Variants in ITGBL1 observed in about 807,000 individuals in gnomAD.
The protein encoded by ITGBL1 is integrin subunit beta like 1.
ITGBL1 carries 51 observed loss-of-function variants against 68.5 expected under a neutral mutation model. The observed-to-expected ratio is 0.74, with a 90% CI of 0.59 to 0.94. The LOEUF (loss-of-function observed/expected upper bound fraction) is 0.94. ITGBL1 is among the 40% of genes least tolerant of loss of function. ITGBL1 has a pLI of 0.00. For synonymous variants in ITGBL1, 209 were observed against 227.3 expected (o/e 0.92, Z 0.72); for missense variants, 649 against 647.4 (o/e 1.00, Z -0.03).
intron 2 of ITGBL1, among the ~76,000 whole-genome samples, chr13:101,481,775 A>T (rs1278173619): frequency 1.3e-5 from 2 of 152,030 alleles, no homozygotes; most frequent in Non-Finnish European, 2.9e-5. Context: ...AGTTGTATAT[A>T]TTTTTATTTT....
intron 7 of ITGBL1, among the ~76,000 whole-genome samples, chr13:101,604,142 CAG>C (rs1366685883): frequency 6.6e-6 from 1 of 151,750 alleles, no homozygotes; most frequent in African/African-American, 2.4e-5. Flanking sequence ...AGCTCTCAAA[CAG>C]AGAAAATCAC....
intron 7 of ITGBL1, among the ~76,000 whole-genome samples, chr13:101,683,089 T>G (rs1453371934): frequency 2.6e-5 from 4 of 152,086 alleles, no homozygotes; most frequent in Non-Finnish European, 5.9e-5. Context: ...TAACATAAAT[T>G]TATAGCATTA....
intron 6 of ITGBL1, among the ~76,000 whole-genome samples, chr13:101,597,392 T>G (rs1484769030): frequency 1.4e-5 from 2 of 143,350 alleles, no homozygotes; most frequent in Non-Finnish European, 3.0e-5. Context: ...AAAGGAGCGT[T>G]TATATATTAA....
chr13:101,599,997 G>A (rs1221636345), intron 7 of ITGBL1, among the ~76,000 whole-genome samples: 9 of 152,250 alleles, frequency 5.9e-5, no homozygotes, highest in East Asian at 1.9e-4. Flanking sequence ...GATTGATGGC[G>A]ATGGCATTGA....
At chr13:101,684,537 T>A (rs915769658) in intron 7 of ITGBL1, among the ~76,000 whole-genome samples, 1 of 152,000 alleles carries the variant, frequency 6.6e-6, no homozygotes, top group Non-Finnish European at 1.5e-5. Context: ...TATACATATG[T>A]GATTTATTTT....
At chr13:101,678,319 G>A (rs1258087443) in intron 7 of ITGBL1, among the ~76,000 whole-genome samples, 1 of 152,056 alleles carries the variant, frequency 6.6e-6, no homozygotes, top group Non-Finnish European at 1.5e-5. Flanking sequence ...GTTGTTTTAT[G>A]GTGAATTTTT....
chr13:101,600,748 T>C (rs2030318824), intron 7 of ITGBL1, among the ~76,000 whole-genome samples: 1 of 152,232 alleles, frequency 6.6e-6, no homozygotes, highest in Non-Finnish European at 1.5e-5. Flanking sequence ...AGTTATTGAT[T>C]TGCATATGTT....
chr13:101,549,908 C>G (rs982517360), intron 2 of ITGBL1, among the ~76,000 whole-genome samples: 8 of 152,008 alleles, frequency 5.3e-5, no homozygotes, highest in Non-Finnish European at 2.9e-5. Context: ...GTAAATTCAA[C>G]ATATAATAAT....
intron 6 of ITGBL1, among the ~76,000 whole-genome samples, chr13:101,591,847 G>C (rs1171797694): frequency 1.3e-5 from 2 of 152,150 alleles, no homozygotes; most frequent in East Asian, 3.9e-4. Flanking sequence ...CTGCGGTGAT[G>C]AGTAGCTTCA....
intron 2 of ITGBL1, among the ~76,000 whole-genome samples, chr13:101,464,765 CATACAT>C (rs2048361399): frequency 6.6e-6 from 1 of 152,132 alleles, no homozygotes; most frequent in South Asian, 2.1e-4. Context: ...TGTGCACAAA[CATACAT>C]ATATATGTGT....
At chr13:101,523,856 G>A (rs1269489410) in intron 2 of ITGBL1, among the ~76,000 whole-genome samples, 2 of 152,206 alleles carry the variant, frequency 1.3e-5, no homozygotes, top group Non-Finnish European at 2.9e-5. Flanking sequence ...CCAGCTGGTA[G>A]AAAGGACGGA....
chr13:101,657,719 C>T (rs2032971164), intron 7 of ITGBL1, among the ~76,000 whole-genome samples: 1 of 152,204 alleles, frequency 6.6e-6, no homozygotes, highest in Non-Finnish European at 1.5e-5. Context: ...ATTTGATTTA[C>T]ATGTTGAACA....
chr13:101,580,498 G>C (rs1351230563), intron 5 of ITGBL1, among the ~76,000 whole-genome samples: 1 of 151,966 alleles, frequency 6.6e-6, no homozygotes, highest in Non-Finnish European at 1.5e-5. Context: ...GTGCATGTTT[G>C]TTACATATGT....
At chr13:101,460,042 C>T (rs1056300562) in intron 2 of ITGBL1, among the ~76,000 whole-genome samples, 4 of 152,046 alleles carry the variant, frequency 2.6e-5, no homozygotes, top group African/African-American at 9.7e-5. Flanking sequence ...GTTGAACGAT[C>T]TCCCTCCAAG....
In ITGBL1 at chr13:101,599,550, T is replaced by C. The variant is rs886749838; in HGVS notation, c.1015+1251T>C. On this transcript the variant is annotated intron_variant, in intron 7 of 10. Transcript: ENST00000376180. ...GAATGGTATTGCCTAGGTTTTCTTCTAGGGTTTTTATGGTTTTAGGTCTGA... is the reference window on the plus strand; with the variant it reads ...GAATGGTATTGCCTAGGTTTTCTTCCAGGGTTTTTATGGTTTTAGGTCTGA... Among the ~76,000 whole-genome samples, 11 of 152,220 alleles carry C rather than the reference T, an allele frequency of 7.2e-5. 1 individual carries two copies. Among genetic ancestry groups the C allele is most frequent in the African/African-American group, 2.7e-4 (11 of 41,448 alleles).
At chr13:101,629,778 C>T (rs982122863) in intron 7 of ITGBL1, among the ~76,000 whole-genome samples, 3 of 152,102 alleles carry the variant, frequency 2.0e-5, no homozygotes, top group African/African-American at 2.4e-5. Flanking sequence ...GTAATATAGA[C>T]AGCCCCATTT....
intron 7 of ITGBL1, among the ~76,000 whole-genome samples, chr13:101,647,141 T>C (rs80219508): frequency 6.6e-6 from 1 of 152,164 alleles, no homozygotes; most frequent in African/African-American, 2.4e-5. Context: ...CACTGAAATA[T>C]ATGAAGTCAA....
At chr13:101,612,265 T>C (rs1438066740) in intron 7 of ITGBL1, among the ~76,000 whole-genome samples, 1 of 152,200 alleles carries the variant, frequency 6.6e-6, no homozygotes, top group African/African-American at 2.4e-5. Flanking sequence ...AAGATTTGGA[T>C]GGTCTCTAGG....
downstream of ITGBL1, chr13:101,719,372 T>C (rs1023548965): frequency 6.6e-6 from 1 of 152,026 alleles, no homozygotes; most frequent in African/African-American, 2.4e-5. Context: ...TTTGGACCCA[T>C]CGTGGATCTC....
Sources: allele counts gnomAD v4.1 joint callset (sites outside exome capture counted in the v4.1 genomes callset), GRCh38; gene constraint gnomAD v4.1.1; transcripts MANE v1.5; gene names NCBI Gene and HGNC (gene_info 2026-07-23, HGNC 2026-07-21).